RFX2: variants seen among roughly 807,000 people sequenced by gnomAD.
RFX2 encodes the protein regulatory factor X2, also known as DNA-binding protein RFX2.
Under a neutral mutation model 87.8 loss-of-function variants are expected in RFX2, and 20 were observed. That is an observed-to-expected ratio of 0.23 (90% CI 0.16 to 0.33). The LOEUF (loss-of-function observed/expected upper bound fraction) is 0.33. RFX2 is among the 10% of genes least tolerant of loss of function. The probability of loss-of-function intolerance (pLI) is 1.00; values close to 1 mark genes in which losing one functional copy is unlikely to be tolerated. For synonymous variants in RFX2, 397 were observed against 431.3 expected, an observed-to-expected ratio of 0.92 and a Z score of 0.98; for missense variants, 767 against 1,012.3, an observed-to-expected ratio of 0.76 and a Z score of 3.29.
At position 5,993,352 on chromosome 19, in the gene RFX2, G is replaced by T. The variant is rs542864212; in HGVS notation, c.*1483C>A. On this transcript the variant is annotated 3_prime_UTR_variant, in exon 18 of 18. Coordinates refer to ENST00000303657, the MANE Select transcript of RFX2 (RefSeq NM_000635.4). Reference sequence around the variant, plus strand: ...ACAGTGTGATTATTCCCAGCTTTTCGTTTCTAAAGTGAGCACGCGTCTTTG... The same window carrying T: ...ACAGTGTGATTATTCCCAGCTTTTCTTTTCTAAAGTGAGCACGCGTCTTTG... 1 of 152,194 alleles carries T rather than the reference G, an allele frequency of 6.6e-6. No homozygotes were observed. The highest frequency in any genetic ancestry group is 2.1e-4 in the South Asian group (1 of 4,834). 9.4% of individuals were successfully genotyped at this position (152,194 alleles called of 1,614,324 possible).
intron 1 of RFX2, among the ~76,000 whole-genome samples, chr19:6,058,220 C>G (rs532138573): frequency 6.6e-6 from 1 of 152,326 alleles, no homozygotes; most frequent in African/African-American, 2.4e-5. Context: ...AGCAGCATCC[C>G]TGGCCTCCGC....
intron 1 of RFX2, among the ~76,000 whole-genome samples, chr19:6,104,383 C>A (rs183398411): frequency 0.017 from 2,530 of 149,436 alleles, 58 homozygotes; most frequent in African/African-American, 0.05. Flanking sequence ...TCCTGGCTAA[C>A]ACGGTGAAAC....
At chr19:6,037,869 G>A (rs1214089657) in intron 5 of RFX2, among the ~76,000 whole-genome samples, 3 of 152,054 alleles carry the variant, frequency 2.0e-5, no homozygotes, top group East Asian at 3.8e-4. Flanking sequence ...ATGGCCAACT[G>A]ATTTTTGACA....
At chr19:6,092,745 A>T (rs1599927268) in intron 1 of RFX2, among the ~76,000 whole-genome samples, 1 of 152,046 alleles carries the variant, frequency 6.6e-6, no homozygotes, top group Non-Finnish European at 1.5e-5. Flanking sequence ...AGAGGCTGCC[A>T]GGGGGTTTGA....
chr19:6,044,568 A>C lies in RFX2; in HGVS notation c.91-286T>G, dbSNP rs1168504932. 6.6e-6 allele frequency among the ~76,000 whole-genome samples: 1 copy of C among 152,190 alleles called. No homozygotes were observed. Among genetic ancestry groups the C allele is most frequent in the Non-Finnish European group, 1.5e-5 (1 of 68,020 alleles). On this transcript the variant is annotated intron_variant, in intron 2 of 17. Transcript: ENST00000303657. This position sits in a 1 kb window ranked among gnomAD's most constrained non-coding sequence, Gnocchi z 5.3. ...ATATGCACGAATTGTGGGCACACAC[A>C]CACGTATGCACACACACATACACGG...
Position 6,020,431 on chromosome 19 carries a change from A to G in RFX2, c.598-4160T>C, listed in dbSNP as rs1055510046. The G allele has an allele frequency of 6.6e-6, 1 of 152,158 alleles. No homozygotes were observed. Among genetic ancestry groups the G allele is most frequent in the African/African-American group, 2.4e-5 (1 of 41,424 alleles). 9.4% of individuals were successfully genotyped at this position (152,158 alleles called of 1,614,324 possible). ...TGAAGCGGCTGGAACAGTCGCGTCTATTTCCTCCCTCTTCTGTGTTGATGA... is the reference window on the plus strand; with the variant it reads ...TGAAGCGGCTGGAACAGTCGCGTCTGTTTCCTCCCTCTTCTGTGTTGATGA... On this transcript the variant is annotated intron_variant, in intron 6 of 17. Coordinates refer to ENST00000303657, the MANE Select transcript of RFX2 (RefSeq NM_000635.4). The surrounding 1 kb of genome is among the most constrained non-coding windows in gnomAD (Gnocchi z 5.3).
At position 6,042,092 on chromosome 19, in the gene RFX2, T is replaced by C; in HGVS notation, c.212A>G (p.Gln71Arg). The C allele has an allele frequency of 6.2e-7, 1 of 1,614,010 alleles. No individual in the cohort carries two copies. The highest frequency in any genetic ancestry group is 8.5e-7 in the Non-Finnish European group (1 of 1,180,022). The change falls in exon 4 of 18, where the codon CAG becomes CGG. Residue 71 changes from glutamine to arginine, a missense_variant. Gln to Arg is a conservative substitution (Grantham distance 43, BLOSUM62 1). Transcript: ENST00000303657. ...GTCTCCCCCTTCCACGTACTGCACC[T>C]GGGCAGGATACACGTGCTGCACCGG... is the stretch of plus-strand genomic sequence containing the variant. The part of the protein sequence containing the change: ...VQPVQHVYPA[Q>R]VQYVEGGDAV...
chr19:6,108,339 G>C (rs2088252989), intron 1 of RFX2, among the ~76,000 whole-genome samples: 1 of 152,186 alleles, frequency 6.6e-6, no homozygotes. Context: ...AACTAGAGCA[G>C]GAGAAAGCAC....
chr19:6,100,607 C>T (rs1257765289), intron 1 of RFX2, among the ~76,000 whole-genome samples: 2 of 152,160 alleles, frequency 1.3e-5, no homozygotes, highest in African/African-American at 2.4e-5. Flanking sequence ...GAAGTAGGCT[C>T]ATGCAGGCCC....
In RFX2 at chr19:6,016,362, C is replaced by A; in HGVS notation, c.598-91G>T. The A allele has an allele frequency of 1.2e-6, 1 of 829,494 alleles. No individual in the cohort carries two copies. The highest frequency in any genetic ancestry group is 1.8e-6 in the Non-Finnish European group (1 of 551,598). The allele number at this position is 829,494 out of a possible 1,614,324, so 51.4% of individuals were successfully genotyped here. On this transcript the variant is annotated intron_variant, in intron 6 of 17. Transcript: ENST00000303657. This position sits in a 1 kb window ranked among gnomAD's most constrained non-coding sequence, Gnocchi z 5.4. Reference sequence around the variant, plus strand: ...CTCATTAAGAGAATTACTTGCGTTCCCTGTGTTACCAAATGGGATGAGGAA... The same window carrying A: ...CTCATTAAGAGAATTACTTGCGTTCACTGTGTTACCAAATGGGATGAGGAA...
intron 1 of RFX2, among the ~76,000 whole-genome samples, chr19:6,090,522 T>A (rs552934503): frequency 6.6e-6 from 1 of 152,178 alleles, no homozygotes; most frequent in Admixed American, 6.5e-5. Flanking sequence ...AGGCTGGTTA[T>A]ACTAAAAACA....
Position 6,036,412 on chromosome 19 carries a change from T to G in RFX2, c.522+3568A>C, listed in dbSNP as rs1251902107. Among the ~76,000 whole-genome samples, 4 of 152,006 alleles carry G rather than the reference T, an allele frequency of 2.6e-5. No homozygotes were observed. The East Asian group carries it at 7.7e-4, about 29-fold the overall frequency. ...CAAAGCCAGGGCCTGGGGGTCACTC[T>G]GGACAAAGGAAGAGAGAGGACAGCA... is the stretch of plus-strand genomic sequence containing the variant. On this transcript the variant is annotated intron_variant, in intron 5 of 17. Transcript: ENST00000303657.
intron 1 of RFX2, among the ~76,000 whole-genome samples, chr19:6,098,767 G>C (rs529663463): frequency 2.1e-3 from 325 of 152,196 alleles, no homozygotes; most frequent in Non-Finnish European, 4.1e-3. Context: ...TTGAGCTGGG[G>C]AACAAAGCTG....
chr19:6,100,249 G>A (rs913733813), intron 1 of RFX2, among the ~76,000 whole-genome samples: 2 of 152,142 alleles, frequency 1.3e-5, no homozygotes, highest in African/African-American at 4.8e-5. Flanking sequence ...AGATGGGGCT[G>A]GACTGAAGGA....
In RFX2 at chr19:6,063,222, C is replaced by G. The variant is rs2087464894; in HGVS notation, c.-8-15718G>C. Among the ~76,000 whole-genome samples the G allele has an allele frequency of 6.6e-6, 1 of 152,210 alleles. No individual in the cohort carries two copies. The highest frequency in any genetic ancestry group is 2.1e-4 in the South Asian group (1 of 4,834). On this transcript the variant is annotated intron_variant, in intron 1 of 17. Transcript: ENST00000303657. The surrounding 1 kb of genome is among the most constrained non-coding windows in gnomAD (Gnocchi z 4.0). ...TTTAAATGAGATGTCCACACAACCC[C>G]CAAGGACCCTCTGATTCCAACGGAA...
intron 5 of RFX2, among the ~76,000 whole-genome samples, chr19:6,034,513 C>T (rs1302289736): frequency 6.6e-6 from 1 of 152,034 alleles, no homozygotes; most frequent in Non-Finnish European, 1.5e-5. Context: ...AGGCATGAGC[C>T]ACCATACCAG....
rs566097346 is a variant in RFX2, at chr19:6,083,166, T to C, written c.-9+27227A>G. Among the ~76,000 whole-genome samples, 1 of 152,304 alleles carries C rather than the reference T, an allele frequency of 6.6e-6. No individual in the cohort carries two copies. Among genetic ancestry groups the C allele is most frequent in the Non-Finnish European group, 1.5e-5 (1 of 68,014 alleles). ...AAGTGATCCACCCGCCTTGGCTTCC[T>C]AGAGTGCTAGAATTACAGGCATGAG... On this transcript the variant is annotated intron_variant, in intron 1 of 17. Transcript: ENST00000303657. The surrounding 1 kb of genome is among the most constrained non-coding windows in gnomAD (Gnocchi z 4.6).
intron 5 of RFX2, among the ~76,000 whole-genome samples, chr19:6,033,898 C>T (rs1241189057): frequency 6.6e-6 from 1 of 152,132 alleles, no homozygotes; most frequent in East Asian, 1.9e-4. Context: ...GGTGACATTC[C>T]TTTATCAAAC....
At position 6,010,908 on chromosome 19, in the gene RFX2, G is replaced by A. The variant is rs1445796775; in HGVS notation, c.900-657C>T. On this transcript the variant is annotated intron_variant, in intron 8 of 17. Transcript: ENST00000303657. The surrounding 1 kb of genome is among the most constrained non-coding windows in gnomAD (Gnocchi z 5.0). Reference sequence around the variant, plus strand: ...GAGGCAGGTGGATCATCTGAGGTCGGGAGTTCGAGACCAGCCTGACCAACA... The same window carrying A: ...GAGGCAGGTGGATCATCTGAGGTCGAGAGTTCGAGACCAGCCTGACCAACA... Among the ~76,000 whole-genome samples, 1 of 152,108 alleles carries A rather than the reference G, an allele frequency of 6.6e-6. No homozygotes were observed. The highest frequency in any genetic ancestry group is 6.6e-5 in the Admixed American group (1 of 15,266).
Sources: allele counts gnomAD v4.1 joint callset (sites outside exome capture counted in the v4.1 genomes callset), GRCh38; gene constraint gnomAD v4.1.1; non-coding constraint Gnocchi (gnomAD v3.1); transcripts MANE v1.5; gene names NCBI Gene and HGNC (gene_info 2026-07-23, HGNC 2026-07-21).